The following SEMA3E variants were observed in gnomAD, a reference collection of about 807,000 sequenced individuals.
The protein encoded by SEMA3E is semaphorin-3E.
In SEMA3E, 49 loss-of-function variants were observed where a neutral mutation model predicts 93.6. The observed-to-expected ratio is 0.52, with a 90% CI of 0.42 to 0.66. The LOEUF (loss-of-function observed/expected upper bound fraction) is 0.66. SEMA3E is among the 30% of genes least tolerant of loss of function. The pLI is 0.00. For missense variants in SEMA3E, 906 were observed against 964.8 expected, an observed-to-expected ratio of 0.94 and a Z score of 0.81; for synonymous variants, 363 against 330.7, an observed-to-expected ratio of 1.10 and a Z score of -1.06.
At chr7:83,500,345 A>G (rs920694614) in intron 1 of SEMA3E, among the ~76,000 whole-genome samples, 4 of 152,058 alleles carry the variant, frequency 2.6e-5, no homozygotes, top group African/African-American at 7.2e-5. Context: ...CTGAGGCAGG[A>G]GAATTGCTTG....
chr7:83,386,390 A>C (rs1186969772), intron 15 of SEMA3E, among the ~76,000 whole-genome samples: 1 of 152,140 alleles, frequency 6.6e-6, no homozygotes, highest in Non-Finnish European at 1.5e-5. Context: ...ACCATAATAG[A>C]AAGAGTCAGG....
At chr7:83,450,241 C>T (rs1264518969) in intron 4 of SEMA3E, among the ~76,000 whole-genome samples, 1 of 152,168 alleles carries the variant, frequency 6.6e-6, no homozygotes, top group East Asian at 1.9e-4. Context: ...TATGTATCCT[C>T]TATGGCACAG....
intron 14 of SEMA3E, among the ~76,000 whole-genome samples, chr7:83,387,800 G>A (rs539376139): frequency 9.1e-5 from 12 of 131,384 alleles, no homozygotes; most frequent in East Asian, 8.2e-4. Context: ...CTGTATCTGC[G>A]GAAAAATTCC....
chr7:83,474,112 A>G lies in SEMA3E; in HGVS notation c.277-4810T>C, dbSNP rs578225558. 3.3e-3 allele frequency among the ~76,000 whole-genome samples: 503 copies of G among 150,928 alleles called. 2 individuals carry two copies. The highest frequency in any genetic ancestry group is 6.4e-3 in the African/African-American group (261 of 40,754). ...ATCTCAATTAAAAAAAAAAAAAAAA[A>G]AAAAGAAAAATAAGACGTATGCTTT... On this transcript the variant is annotated intron_variant, in intron 2 of 16. Transcript: ENST00000643230.
At chr7:83,468,551 GTT>G (rs757501000) in intron 3 of SEMA3E, among the ~76,000 whole-genome samples, 5 of 146,568 alleles carry the variant, frequency 3.4e-5, no homozygotes, top group African/African-American at 9.9e-5. Flanking sequence ...CATTTATATA[GTT>G]TTTTTTTTTT....
At chr7:83,644,708 G>GA (rs1425991956) in intron 1 of SEMA3E, among the ~76,000 whole-genome samples, 1 of 151,812 alleles carries the variant, frequency 6.6e-6, no homozygotes, top group East Asian at 1.9e-4. Flanking sequence ...TGAGCTCTCT[G>GA]AACTATGATA....
intron 2 of SEMA3E, among the ~76,000 whole-genome samples, chr7:83,481,958 A>G (rs1790153698): frequency 6.6e-6 from 1 of 152,198 alleles, no homozygotes; most frequent in Non-Finnish European, 1.5e-5. Flanking sequence ...CCAGCATTTC[A>G]CAACCCTCAT....
intron 16 of SEMA3E, among the ~76,000 whole-genome samples, chr7:83,374,201 C>T (rs1298897653): frequency 1.4e-5 from 1 of 73,688 alleles, no homozygotes; most frequent in Non-Finnish European, 2.6e-5. Context: ...ACCAAAACTG[C>T]GTCTCAAAAA....
intron 4 of SEMA3E, among the ~76,000 whole-genome samples, chr7:83,450,723 ACTTTT>A (rs1405014365): frequency 2.0e-5 from 3 of 152,098 alleles, no homozygotes; most frequent in Non-Finnish European, 4.4e-5. Flanking sequence ...TTGTCTGTAT[ACTTTT>A]CTTTATTCAT....
chr7:83,482,074 G>C (rs916547322), intron 2 of SEMA3E, among the ~76,000 whole-genome samples: 3 of 152,084 alleles, frequency 2.0e-5, no homozygotes, highest in African/African-American at 7.2e-5. Context: ...CAATCCTTAG[G>C]TGTTTACTAA....
chr7:83,446,156 T>C (rs750513953), intron 4 of SEMA3E, among the ~76,000 whole-genome samples: 4 of 152,324 alleles, frequency 2.6e-5, no homozygotes, highest in African/African-American at 4.8e-5. Flanking sequence ...GACTTTGGAT[T>C]TGAAATTTCA....
chr7:83,621,394 C>T (rs893966443), intron 1 of SEMA3E, among the ~76,000 whole-genome samples: 4 of 152,132 alleles, frequency 2.6e-5, no homozygotes, highest in Non-Finnish European at 4.4e-5. Context: ...TAGGAAGAAT[C>T]AATATTGTGA....
At chr7:83,641,433 A>C (rs993317069) in intron 1 of SEMA3E, 20 of 976,554 alleles carry the variant, frequency 2.0e-5, no homozygotes, top group Non-Finnish European at 2.3e-5. Context: ...GTTTAGTTTA[A>C]CTTTAGGCAG....
At chr7:83,490,986 G>A (rs1017639074) in intron 1 of SEMA3E, among the ~76,000 whole-genome samples, 2 of 152,046 alleles carry the variant, frequency 1.3e-5, no homozygotes, top group Non-Finnish European at 1.5e-5. Flanking sequence ...TTGGTAAAAC[G>A]ATATATGAGA....
intron 16 of SEMA3E, among the ~76,000 whole-genome samples, chr7:83,384,595 G>A (rs1173376532): frequency 6.6e-6 from 1 of 151,794 alleles, no homozygotes; most frequent in African/African-American, 2.4e-5. Context: ...TTTATGCCCT[G>A]GACCTCTTTA....
chr7:83,618,911 A>C (rs1434962613), intron 1 of SEMA3E, among the ~76,000 whole-genome samples: 1 of 151,942 alleles, frequency 6.6e-6, no homozygotes, highest in Non-Finnish European at 1.5e-5. Context: ...GCAGGCATAC[A>C]CACATGCACA....
intron 4 of SEMA3E, among the ~76,000 whole-genome samples, chr7:83,443,864 A>C (rs941263664): frequency 1.3e-5 from 2 of 151,794 alleles, no homozygotes; most frequent in Non-Finnish European, 2.9e-5. Context: ...AGCAATTAAT[A>C]GTTTATAAAT....
intron 1 of SEMA3E, among the ~76,000 whole-genome samples, chr7:83,500,430 C>T (rs533828542): frequency 2.8e-4 from 43 of 151,574 alleles, no homozygotes; most frequent in East Asian, 3.9e-4. Context: ...AGCGAGACTC[C>T]GTCTCAAAAA....
intron 16 of SEMA3E, among the ~76,000 whole-genome samples, chr7:83,379,375 C>T: frequency 6.6e-6 from 1 of 151,608 alleles, no homozygotes; most frequent in Admixed American, 6.6e-5. Flanking sequence ...CCTGTAACCC[C>T]CAAATTTGTA....
Sources: allele counts gnomAD v4.1 joint callset (sites outside exome capture counted in the v4.1 genomes callset), GRCh38; gene constraint gnomAD v4.1.1; transcripts MANE v1.5; gene names NCBI Gene and HGNC (gene_info 2026-07-23, HGNC 2026-07-21).